SMAP1: variants seen among roughly 807,000 people sequenced by gnomAD.
SMAP1 encodes the protein stromal membrane-associated protein 1.
A neutral mutation model predicts 58.5 loss-of-function variants in SMAP1; 24 were observed. The observed-to-expected ratio is 0.41, with a 90% confidence interval of 0.30 to 0.58. SMAP1 has a LOEUF of 0.58. Ranked by LOEUF, SMAP1 falls within the 20% of genes least tolerant of loss-of-function variation. The pLI is 0.29. For missense variants in SMAP1, 563 were observed against 566.3 expected (o/e 0.99, Z 0.06); for synonymous variants, 216 against 196.6 (o/e 1.10, Z -0.82).
chr6:70,832,233 C>A (rs1387907601), intron 6 of SMAP1, among the ~76,000 whole-genome samples: 1 of 152,046 alleles, frequency 6.6e-6, no homozygotes, highest in Non-Finnish European at 1.5e-5. Flanking sequence ...TTGGTAGTTT[C>A]TTTGGCTGTG....
chr6:70,676,522 A>C (rs1231511439), intron 1 of SMAP1, among the ~76,000 whole-genome samples: 1 of 152,136 alleles, frequency 6.6e-6, no homozygotes, highest in East Asian at 1.9e-4. Flanking sequence ...CTGTGCTGTT[A>C]ACTATGTTTG....
At chr6:70,758,265 C>T (rs911604031) in intron 3 of SMAP1, among the ~76,000 whole-genome samples, 4 of 150,872 alleles carry the variant, frequency 2.7e-5, no homozygotes, top group African/African-American at 9.8e-5. Context: ...TAATCTATCG[C>T]AAGAACAAAA....
intron 5 of SMAP1, among the ~76,000 whole-genome samples, chr6:70,794,896 C>G (rs1314211133): frequency 6.7e-6 from 1 of 150,292 alleles, no homozygotes. Flanking sequence ...TCACGCCATT[C>G]TCCTGCCTCA....
At chr6:70,844,991 G>C (rs1770935022) in intron 7 of SMAP1, among the ~76,000 whole-genome samples, 1 of 152,098 alleles carries the variant, frequency 6.6e-6, no homozygotes, top group South Asian at 2.1e-4. Context: ...TTCATCACTG[G>C]TTATGATGAC....
chr6:70,786,658 T>G (rs1768047538), intron 4 of SMAP1, among the ~76,000 whole-genome samples: 2 of 152,068 alleles, frequency 1.3e-5, no homozygotes, highest in Admixed American at 6.6e-5. Flanking sequence ...TATACATCAA[T>G]AACAGACAAA....
chr6:70,792,325 T>A (rs1768397069), intron 5 of SMAP1, among the ~76,000 whole-genome samples: 2 of 102,786 alleles, frequency 1.9e-5, no homozygotes. Context: ...ACTCTTTACC[T>A]ATTTTTTTTT....
rs199807183 is a variant in SMAP1, at chr6:70,856,899, T to G, written c.830T>G (p.Val277Gly). The change falls in exon 9 of 11, where the codon GTA becomes GGA. Residue 277 changes from valine (V) to glycine (G), a missense_variant. By Grantham distance (109) the Val-to-Gly change is moderately radical. Around this residue, in one of 3 missense-constraint regions of SMAP1, gnomAD observed 494 missense variants for 473.8 expected, o/e 1.04. Transcript: ENST00000370455. ...CCAGCAGCTGCAACCCTGTCTACAG[T>G]AACATCTGGGGATCTAGATTTATTC... ...SAPAAATLST[V>G]TSGDLDLFTE... The G allele has an allele frequency of 6.2e-7, 1 of 1,613,638 alleles. No individual in the cohort carries two copies. Among genetic ancestry groups the G allele is most frequent in the Non-Finnish European group, 8.5e-7 (1 of 1,179,760 alleles).
At chr6:70,787,669 C>T (rs376470634) in intron 4 of SMAP1, among the ~76,000 whole-genome samples, 17 of 148,906 alleles carry the variant, frequency 1.1e-4, no homozygotes, top group South Asian at 2.2e-4. Flanking sequence ...CAAAAGAAGA[C>T]ATTTATGCAG....
chr6:70,815,543 G>A (rs1769582653), intron 6 of SMAP1, among the ~76,000 whole-genome samples: 1 of 152,214 alleles, frequency 6.6e-6, no homozygotes, highest in South Asian at 2.1e-4. Flanking sequence ...GGGGAGTGGG[G>A]CAGATTGCCG....
At chr6:70,810,346 C>T (rs182092692) in intron 6 of SMAP1, among the ~76,000 whole-genome samples, 1 of 152,184 alleles carries the variant, frequency 6.6e-6, no homozygotes, top group Admixed American at 6.5e-5. Flanking sequence ...TCTTCTGCTT[C>T]CCCATAATAT....
intron 6 of SMAP1, among the ~76,000 whole-genome samples, chr6:70,803,367 C>G (rs754584267): frequency 1.3e-5 from 2 of 151,900 alleles, no homozygotes; most frequent in African/African-American, 2.4e-5. Flanking sequence ...TTTTTTATTG[C>G]GTCTATTTGA....
chr6:70,790,847 A>C (rs1164854915), intron 4 of SMAP1, among the ~76,000 whole-genome samples: 1 of 152,188 alleles, frequency 6.6e-6, no homozygotes, highest in Admixed American at 6.5e-5. Flanking sequence ...TGTCAGTTTT[A>C]TGGCCCCAAA....
intron 1 of SMAP1, among the ~76,000 whole-genome samples, chr6:70,678,040 T>C (rs1004195445): frequency 6.6e-6 from 1 of 152,236 alleles, no homozygotes; most frequent in African/African-American, 2.4e-5. Flanking sequence ...ATTTTTAAAA[T>C]TATTTCACTT....
intron 5 of SMAP1, 44 bp from the exon 6 acceptor site, chr6:70,798,613 T>G (rs1487203275): frequency 6.8e-7 from 1 of 1,472,396 alleles, no homozygotes; most frequent in Non-Finnish European, 9.0e-7. Flanking sequence ...AAATTGCCAT[T>G]TTTTAAAAAA....
At chr6:70,717,368 G>A (rs1294938218) in intron 1 of SMAP1, among the ~76,000 whole-genome samples, 1 of 152,196 alleles carries the variant, frequency 6.6e-6, no homozygotes, top group Non-Finnish European at 1.5e-5. Flanking sequence ...TTAGGGCTAG[G>A]TGATTTAGGA....
At chr6:70,754,308 G>T (rs1417992359) in intron 2 of SMAP1, among the ~76,000 whole-genome samples, 1 of 152,012 alleles carries the variant, frequency 6.6e-6, no homozygotes, top group African/African-American at 2.4e-5. Context: ...TGGTTGAAAT[G>T]ATTATCAAAT....
intron 7 of SMAP1, among the ~76,000 whole-genome samples, chr6:70,841,481 T>C (rs1171089758): frequency 9.8e-6 from 1 of 101,756 alleles, no homozygotes; most frequent in African/African-American, 4.0e-5. Context: ...AAAATCTAGC[T>C]CAGGGGTGTA....
At chr6:70,722,096 G>A (rs1039224882) in intron 1 of SMAP1, among the ~76,000 whole-genome samples, 7 of 152,044 alleles carry the variant, frequency 4.6e-5, no homozygotes, top group African/African-American at 1.4e-4. Flanking sequence ...ATAATGTCAG[G>A]GACAACAAAT....
intron 6 of SMAP1, among the ~76,000 whole-genome samples, chr6:70,800,331 TC>T (rs1768790043): frequency 6.6e-6 from 1 of 152,028 alleles, no homozygotes; most frequent in Non-Finnish European, 1.5e-5. Context: ...ACAAAAATCT[TC>T]CTTTTCATAG....
Sources: gnomAD v4.1 joint callset for allele counts (sites outside exome capture counted in the v4.1 genomes callset) on GRCh38, gnomAD v4.1.1 for gene constraint, gnomAD v4.1.1 regional missense constraint, MANE v1.5 for transcripts, NCBI Gene and HGNC (gene_info 2026-07-23, HGNC 2026-07-21) for gene names.